TBC1D14: variants seen among roughly 807,000 people sequenced by gnomAD.
TBC1D14 encodes the protein TBC1 domain family member 14, also known as TBC1 domain family, member 14.
Under a neutral mutation model 79.0 loss-of-function variants are expected in TBC1D14, and 26 were observed. The observed-to-expected ratio is 0.33, with a 90% CI of 0.24 to 0.46. TBC1D14 has a LOEUF of 0.46. Ranked by LOEUF, TBC1D14 falls within the 20% of genes least tolerant of loss-of-function variation. TBC1D14 has a pLI of 1.00. For missense variants in TBC1D14, 769 were observed against 887.6 expected, an observed-to-expected ratio of 0.87 and a Z score of 1.70; for synonymous variants, 394 against 349.9, an observed-to-expected ratio of 1.13 and a Z score of -1.40.
chr4:6,981,549 C>A (rs60048916), intron 3 of TBC1D14, among the ~76,000 whole-genome samples: 15,573 of 152,196 alleles, frequency 0.1, 1,373 homozygotes, highest in African/African-American at 0.24. Context: ...TCTTACCCTG[C>A]TATCAAAACC....
Position 6,967,292 on chromosome 4 carries a change from T to C in TBC1D14, c.723-12T>C. ...CCAGAAATGCCCTAACCTTGTTATT[T>C]TCTTCCTATAGGAACTTGCTTGCTA... is the stretch of plus-strand genomic sequence containing the variant. On this transcript the variant is annotated splice_polypyrimidine_tract_variant and intron_variant, in intron 2 of 13. Coordinates refer to ENST00000409757, the MANE Select transcript of TBC1D14 (RefSeq NM_020773.3). 3 of 1,612,802 alleles carry C rather than the reference T, an allele frequency of 1.9e-6. No homozygotes were observed. Among genetic ancestry groups the C allele is most frequent in the Non-Finnish European group, 2.5e-6 (3 of 1,179,682 alleles).
intron 8 of TBC1D14, among the ~76,000 whole-genome samples, chr4:7,005,171 A>G (rs1320173630): frequency 4.0e-5 from 6 of 151,830 alleles, no homozygotes; most frequent in Non-Finnish European, 7.4e-5. Flanking sequence ...AGGCTGAGGT[A>G]GATGGATCAC....
intron 1 of TBC1D14, among the ~76,000 whole-genome samples, chr4:6,913,330 A>G (rs1214063473): frequency 6.6e-6 from 1 of 152,222 alleles, no homozygotes; most frequent in African/African-American, 2.4e-5. Context: ...CAGCCTAACA[A>G]ACATACATAG....
chr4:6,987,421 C>T, intron 3 of TBC1D14: 3 of 1,282,742 alleles, frequency 2.3e-6, no homozygotes, highest in Non-Finnish European at 3.0e-6. Flanking sequence ...CTGTCCTGTC[C>T]TGGGCCTGCC....
In TBC1D14 at chr4:6,923,700, C is replaced by G. The variant is rs766440023; in HGVS notation, c.311C>G (p.Ala104Gly). 6.2e-7 allele frequency: 1 copy of G among 1,613,712 alleles called. No homozygotes were observed. The highest frequency in any genetic ancestry group is 1.3e-5 in the African/African-American group (1 of 74,950). The change falls in exon 2 of 14, where the codon GCC (alanine) becomes GGC (glycine). Residue 104 changes from alanine (A) to glycine (G), a missense_variant. Around this residue, in one of 2 missense-constraint regions of TBC1D14, gnomAD observed 402 missense variants for 393.2 expected, o/e 1.02. Coordinates refer to ENST00000409757, the MANE Select transcript of TBC1D14 (RefSeq NM_020773.3). ...ATCCCCGAGCGGGCCTTCCAGAGCG[C>G]CTGCGCGCTGCCATCCTGTGCGCCA... is the stretch of plus-strand genomic sequence containing the variant. The part of the protein sequence containing the change: ...DLIPERAFQS[A>G]CALPSCAPPA...
rs143439314 is a variant in TBC1D14, at chr4:6,912,281, G to A, written c.-18+2330G>A. Among the ~76,000 whole-genome samples, 1,341 of 152,056 alleles carry A rather than the reference G, an allele frequency of 8.8e-3. 22 individuals carry two copies. The highest frequency in any genetic ancestry group is 0.03 in the African/African-American group (1,234 of 41,470). On this transcript the variant is annotated intron_variant, in intron 1 of 13. Transcript: ENST00000409757. The stretch of plus-strand genomic sequence containing the variant: ...GTGCGTGCCAGCTACTTGGGAGGCC[G>A]AGGCAGGAGAATCGCTTGAACCCGG...
chr4:7,006,532 A>G, intron 8 of TBC1D14, 100 bp from the exon 9 acceptor site: 1 of 997,028 alleles, frequency 1.0e-6, no homozygotes, highest in Non-Finnish European at 1.5e-6. Flanking sequence ...CTTCTGAAAA[A>G]CTTTTTTCCG....
intron 3 of TBC1D14, chr4:6,987,369 G>A (rs1325276889): frequency 8.5e-6 from 12 of 1,417,414 alleles, no homozygotes; most frequent in African/African-American, 1.5e-5. Flanking sequence ...GGTGCGGGCC[G>A]GTGCCTCTCC....
At chr4:7,006,378 A>G (rs1037591264) in intron 8 of TBC1D14, among the ~76,000 whole-genome samples, 22 of 152,102 alleles carry the variant, frequency 1.4e-4, no homozygotes, top group Admixed American at 4.6e-4. Flanking sequence ...AAAATGTTAG[A>G]TTTTGATTTC....
intron 3 of TBC1D14, 101 bp downstream of exon 3, chr4:6,967,525 C>A (rs532064737): frequency 2.1e-6 from 3 of 1,462,354 alleles, no homozygotes; most frequent in Admixed American, 4.3e-5. Flanking sequence ...AACTGGAAAT[C>A]GCTTTGTATT....
chr4:6,989,400 T>A (rs145206512), intron 3 of TBC1D14, among the ~76,000 whole-genome samples: 1 of 152,312 alleles, frequency 6.6e-6, no homozygotes, highest in East Asian at 1.9e-4. Flanking sequence ...TGCTTGTGGG[T>A]GTCTCTTGGC....
intron 12 of TBC1D14, among the ~76,000 whole-genome samples, chr4:7,023,422 T>G (rs1324998128): frequency 4.6e-5 from 7 of 152,194 alleles, no homozygotes; most frequent in Non-Finnish European, 1.0e-4. Flanking sequence ...TTTCTCATAG[T>G]GTTAACAAGC....
intron 9 of TBC1D14, 76 bp from the exon 10 acceptor site, chr4:7,009,801 G>T (rs972766287): frequency 7.1e-7 from 1 of 1,405,402 alleles, no homozygotes; most frequent in Non-Finnish European, 1.0e-6. Context: ...AGCGGCAGCA[G>T]TAGTAGTATC....
intron 12 of TBC1D14, among the ~76,000 whole-genome samples, chr4:7,016,777 G>T (rs773953775): frequency 7.2e-5 from 11 of 152,096 alleles, no homozygotes. Flanking sequence ...CGTTGCCTTC[G>T]TGATCCACTG....
At chr4:6,925,517 C>T (rs1378585415) in intron 2 of TBC1D14, among the ~76,000 whole-genome samples, 1 of 152,168 alleles carries the variant, frequency 6.6e-6, no homozygotes, top group Non-Finnish European at 1.5e-5. Context: ...TTAGTTGCTT[C>T]ATCAACTAAA....
Position 6,923,649 on chromosome 4 carries a change from G to A in TBC1D14, c.260G>A (p.Arg87Lys), listed in dbSNP as rs772183488. 3.0e-5 allele frequency: 49 copies of A among 1,613,826 alleles called. No individual in the cohort carries two copies. The Admixed American group carries it at 7.8e-4, about 26-fold the overall frequency. The change falls in exon 2 of 14, where the codon AGG (arginine) becomes AAG (lysine). Residue 87 changes from arginine to lysine, a missense_variant. Transcript: ENST00000409757. ...GTACCCTGCAGCGCGGTCCACGTGA[G>A]GAGGAAGCAGTCCGACTCCGACCTC... ...EPVPCSAVHV[R>K]RKQSDSDLIP...
chr4:6,941,180 CTTTTTTTTTT>C (rs35201238), intron 2 of TBC1D14, among the ~76,000 whole-genome samples: 1 of 87,766 alleles, frequency 1.1e-5, no homozygotes, highest in African/African-American at 5.2e-5. Flanking sequence ...AGGAAAGCAG[CTTTTTTTTTT>C]TTTTTTTTTT....
chr4:6,957,640 T>C (rs1413089517), intron 2 of TBC1D14, among the ~76,000 whole-genome samples: 1 of 152,230 alleles, frequency 6.6e-6, no homozygotes, highest in Admixed American at 6.5e-5. Context: ...AGAATGTGTC[T>C]TTTAGGTTTT....
At chr4:6,944,432 G>T (rs370720858) in intron 2 of TBC1D14, among the ~76,000 whole-genome samples, 1 of 152,224 alleles carries the variant, frequency 6.6e-6, no homozygotes, top group Non-Finnish European at 1.5e-5. Flanking sequence ...CTGCCTTTCA[G>T]ATGATTTCCT....
Sources: gnomAD v4.1 joint callset for allele counts (sites outside exome capture counted in the v4.1 genomes callset) on GRCh38, gnomAD v4.1.1 for gene constraint, gnomAD v4.1.1 regional missense constraint, MANE v1.5 for transcripts, NCBI Gene and HGNC (gene_info 2026-07-23, HGNC 2026-07-21) for gene names.